The following PLPPR5 variants were observed in gnomAD, a reference collection of about 807,000 sequenced individuals.
PLPPR5 encodes phospholipid phosphatase-related protein type 5.
A neutral mutation model predicts 33.9 loss-of-function variants in PLPPR5; 16 were observed. The observed-to-expected ratio is 0.47, with a 90% CI of 0.32 to 0.72. PLPPR5 has a LOEUF of 0.72. Ranked by LOEUF, PLPPR5 falls within the 30% of genes least tolerant of loss-of-function variation. PLPPR5 has a pLI of 0.03. For missense variants in PLPPR5, 301 were observed against 406.7 expected, an observed-to-expected ratio of 0.74 and a Z score of 2.23; for synonymous variants, 163 against 150.3, an observed-to-expected ratio of 1.08 and a Z score of -0.62.
chr1:98,988,191 G>A (rs1022726193), intron 1 of PLPPR5, among the ~76,000 whole-genome samples: 1 of 152,074 alleles, frequency 6.6e-6, no homozygotes, highest in Admixed American at 6.6e-5. Flanking sequence ...CCAGCCTTGA[G>A]AGGTTTTAAA....
intron 1 of PLPPR5, among the ~76,000 whole-genome samples, chr1:98,983,866 AT>A (rs1178400851): frequency 6.7e-6 from 1 of 150,246 alleles, no homozygotes; most frequent in Admixed American, 6.6e-5. Context: ...TTTTCATGTG[AT>A]TTTTTGGTTG....
intron 5 of PLPPR5, among the ~76,000 whole-genome samples, chr1:98,895,684 C>T (rs1462818504): frequency 6.6e-6 from 1 of 152,156 alleles, no homozygotes; most frequent in Admixed American, 6.6e-5. Context: ...CTAGGGAAAA[C>T]TCTTGCCCCC....
chr1:98,901,238 G>A (rs1030494064), intron 5 of PLPPR5, among the ~76,000 whole-genome samples: 8 of 152,094 alleles, frequency 5.3e-5, no homozygotes, highest in Non-Finnish European at 8.8e-5. Flanking sequence ...ATAATATCCT[G>A]AGAATGGCAA....
intron 1 of PLPPR5, among the ~76,000 whole-genome samples, chr1:98,973,565 A>G (rs909805539): frequency 1.3e-5 from 2 of 152,050 alleles, no homozygotes; most frequent in Non-Finnish European, 2.9e-5. Context: ...CATGTAATTT[A>G]TCATTCAAAC....
chr1:98,967,375 A>G (rs1026569188), intron 1 of PLPPR5, among the ~76,000 whole-genome samples: 6 of 152,144 alleles, frequency 3.9e-5, no homozygotes, highest in African/African-American at 1.4e-4. Flanking sequence ...AGGCCATCAA[A>G]GAAACTTACA....
intron 5 of PLPPR5, among the ~76,000 whole-genome samples, chr1:98,908,060 A>T (rs1648974096): frequency 6.6e-6 from 1 of 152,160 alleles, no homozygotes; most frequent in Admixed American, 6.5e-5. Context: ...GTAGTTGCTT[A>T]TTTGCTAACT....
intron 5 of PLPPR5, among the ~76,000 whole-genome samples, chr1:98,906,863 C>A (rs1290418910): frequency 6.6e-6 from 1 of 152,048 alleles, no homozygotes; most frequent in Non-Finnish European, 1.5e-5. Flanking sequence ...ATTGCTATTG[C>A]CCCATTTATC....
chr1:98,973,211 C>T (rs1651718454), intron 1 of PLPPR5, among the ~76,000 whole-genome samples: 1 of 152,030 alleles, frequency 6.6e-6, no homozygotes. Context: ...TTAATCGTTA[C>T]AAAGACCCTG....
intron 3 of PLPPR5, among the ~76,000 whole-genome samples, chr1:98,942,912 G>T (rs2101194879): frequency 6.6e-6 from 1 of 152,240 alleles, no homozygotes; most frequent in East Asian, 1.9e-4. Flanking sequence ...GGTAGGGGAA[G>T]CTGTCACAAA....
chr1:98,999,776 C>G (rs1216013006), intron 1 of PLPPR5, among the ~76,000 whole-genome samples: 1 of 152,112 alleles, frequency 6.6e-6, no homozygotes, highest in African/African-American at 2.4e-5. Context: ...ACGCCAGCAC[C>G]CTTGGGATAG....
At chr1:98,920,645 G>T (rs894773671) in intron 4 of PLPPR5, among the ~76,000 whole-genome samples, 1 of 144,262 alleles carries the variant, frequency 6.9e-6, no homozygotes, top group African/African-American at 2.5e-5. Context: ...CTACTTTACC[G>T]CAGGAGATTC....
At chr1:98,971,468 C>T (rs971132988) in intron 1 of PLPPR5, among the ~76,000 whole-genome samples, 2 of 151,822 alleles carry the variant, frequency 1.3e-5, no homozygotes, top group East Asian at 3.9e-4. Flanking sequence ...TCTGATTTCC[C>T]CTCCCTTCAA....
chr1:98,913,035 T>C (rs890185054), intron 5 of PLPPR5, among the ~76,000 whole-genome samples: 2 of 151,882 alleles, frequency 1.3e-5, no homozygotes, highest in Non-Finnish European at 2.9e-5. Flanking sequence ...ATTTTCAGAG[T>C]TTTTTCTTCT....
At chr1:98,980,529 T>C (rs1652027027) in intron 1 of PLPPR5, among the ~76,000 whole-genome samples, 1 of 152,122 alleles carries the variant, frequency 6.6e-6, no homozygotes. Context: ...ACCAAGCACA[T>C]TTAATCCTTA....
chr1:98,975,250 T>C (rs1651806519), intron 1 of PLPPR5, among the ~76,000 whole-genome samples: 1 of 152,124 alleles, frequency 6.6e-6, no homozygotes, highest in Admixed American at 6.6e-5. Context: ...AGAGTAGGAC[T>C]CTGCCTCACC....
At chr1:98,905,666 G>T (rs1648869261) in intron 5 of PLPPR5, among the ~76,000 whole-genome samples, 1 of 151,792 alleles carries the variant, frequency 6.6e-6, no homozygotes, top group East Asian at 1.9e-4. Context: ...TACAGTTTCT[G>T]TTACTTTATT....
At chr1:98,921,751 A>G (rs1304484508) in intron 4 of PLPPR5, 131 bp downstream of exon 4, 2 of 710,990 alleles carry the variant, frequency 2.8e-6, no homozygotes, top group Non-Finnish European at 4.5e-6. Flanking sequence ...GATTTGTTTT[A>G]TATACTTAAA....
intron 3 of PLPPR5, among the ~76,000 whole-genome samples, chr1:98,932,656 T>C (rs1008397505): frequency 3.9e-5 from 6 of 152,222 alleles, no homozygotes; most frequent in South Asian, 2.1e-4. Context: ...CAGGAATCTA[T>C]TGATTTTTCT....
chr1:98,971,290 A>C (rs563293197), intron 1 of PLPPR5, among the ~76,000 whole-genome samples: 29 of 152,258 alleles, frequency 1.9e-4, no homozygotes, highest in African/African-American at 6.5e-4. Context: ...TTACATATTC[A>C]TATTACATCT....
Sources: gnomAD v4.1 joint callset for allele counts (sites outside exome capture counted in the v4.1 genomes callset) on GRCh38, gnomAD v4.1.1 for gene constraint, MANE v1.5 for transcripts, NCBI Gene and HGNC (gene_info 2026-07-23, HGNC 2026-07-21) for gene names.